Variants in TNNI3K observed in about 807,000 individuals in gnomAD.
TNNI3K encodes the protein TNNI3 interacting kinase, also known as serine/threonine-protein kinase TNNI3K.
Under a neutral mutation model 114.5 loss-of-function variants are expected in TNNI3K, and 140 were observed. The ratio of observed to expected loss-of-function variants is 1.22; its 90% CI spans 1.07 to 1.41. The LOEUF is 1.41. Ranked by LOEUF, TNNI3K falls within the 40% of genes most tolerant of loss-of-function variation. The probability of loss-of-function intolerance (pLI) is 0.00; values close to 1 mark genes in which losing one functional copy is unlikely to be tolerated. For synonymous variants in TNNI3K, 347 were observed against 347.5 expected (o/e 1.00, Z 0.02); for missense variants, 1,125 against 1,007.6 (o/e 1.12, Z -1.58).
At chr1:74,268,672 A>G (rs1196598143) in intron 4 of TNNI3K, among the ~76,000 whole-genome samples, 1 of 151,900 alleles carries the variant, frequency 6.6e-6, no homozygotes, top group East Asian at 1.9e-4. Context: ...CAAGGAAATT[A>G]GCAAAAAGGA....
intron 2 of TNNI3K, chr1:74,240,567 T>C (rs1164183811): frequency 1.3e-5 from 2 of 152,162 alleles, no homozygotes; most frequent in Non-Finnish European, 2.9e-5. Flanking sequence ...TTATACAACC[T>C]TTTTGAAAAA....
intron 17 of TNNI3K, among the ~76,000 whole-genome samples, chr1:74,409,816 A>G (rs1664799418): frequency 6.6e-6 from 1 of 151,870 alleles, no homozygotes; most frequent in Non-Finnish European, 1.5e-5. Flanking sequence ...TTATTATTAC[A>G]TTTGTGCACA....
At chr1:74,253,356 C>T (rs1267175509) in intron 4 of TNNI3K, among the ~76,000 whole-genome samples, 1 of 152,170 alleles carries the variant, frequency 6.6e-6, no homozygotes, top group Non-Finnish European at 1.5e-5. Context: ...AGCCCTTGGG[C>T]AGTCAATGGG....
At chr1:74,301,897 G>A (rs147569461) in intron 5 of TNNI3K, among the ~76,000 whole-genome samples, 1,926 of 152,286 alleles carry the variant, frequency 0.013, 13 homozygotes, top group Non-Finnish European at 0.019. Context: ...ACTTCTAAAT[G>A]ACTATGTGGA....
intron 21 of TNNI3K, chr1:74,470,610 A>G (rs1667879163): frequency 5.0e-6 from 2 of 400,716 alleles, no homozygotes; most frequent in Admixed American, 4.4e-5. Flanking sequence ...GAGAGGAATC[A>G]TAAGTTTCTG....
intron 7 of TNNI3K, among the ~76,000 whole-genome samples, chr1:74,340,498 C>A (rs1048945335): frequency 2.6e-5 from 4 of 152,104 alleles, no homozygotes; most frequent in South Asian, 2.1e-4. Flanking sequence ...CGCATAAATT[C>A]TATGTCTGAT....
intron 22 of TNNI3K, among the ~76,000 whole-genome samples, chr1:74,490,707 C>A (rs184546101): frequency 2.0e-5 from 3 of 152,092 alleles, no homozygotes; most frequent in African/African-American, 7.2e-5. Flanking sequence ...TTTCAGTCAA[C>A]GGTTTAGATC....
At chr1:74,430,356 G>A (rs893405145) in intron 17 of TNNI3K, among the ~76,000 whole-genome samples, 2 of 152,000 alleles carry the variant, frequency 1.3e-5, no homozygotes, top group African/African-American at 4.8e-5. Flanking sequence ...TCTGAGGTTG[G>A]GGAAAATTTT....
rs188714529 is a variant in TNNI3K, at chr1:74,371,793, A to G, written c.1772+1401A>G. The G allele has an allele frequency of 9.9e-5, 15 of 151,894 alleles. No individual in the cohort carries two copies. In the East Asian group the frequency reaches 2.9e-3, roughly 30 times the overall value. 9.4% of individuals were successfully genotyped at this position (151,894 alleles called of 1,614,324 possible). On this transcript the variant is annotated intron_variant, in intron 17 of 24. Coordinates refer to ENST00000326637, the MANE Select transcript of TNNI3K (RefSeq NM_015978.3). The stretch of plus-strand genomic sequence containing the variant: ...GGAGACCATAAAGAGGTTTGAGCTG[A>G]AAATCACAAATTTGGAGCTATATTA...
chr1:74,436,048 A>G (rs1666108049), intron 17 of TNNI3K, 32 bp from the exon 18 acceptor site: 3 of 1,563,238 alleles, frequency 1.9e-6, no homozygotes, highest in African/African-American at 1.4e-5. Context: ...AGCTTACTCA[A>G]TGTCTACTTT....
intron 23 of TNNI3K, among the ~76,000 whole-genome samples, chr1:74,520,614 CA>C (rs546325740): frequency 0.011 from 1,661 of 147,028 alleles, 15 homozygotes; most frequent in Non-Finnish European, 0.014. Context: ...CTCACAACTT[CA>C]AAAAAAAAAT....
chr1:74,483,586 G>A (rs1668605936), intron 21 of TNNI3K, among the ~76,000 whole-genome samples: 1 of 152,160 alleles, frequency 6.6e-6, no homozygotes, highest in Non-Finnish European at 1.5e-5. Flanking sequence ...AATTCAGAGA[G>A]CTCACATCCA....
intron 23 of TNNI3K, among the ~76,000 whole-genome samples, chr1:74,494,129 C>T (rs752053693): frequency 6.6e-6 from 1 of 152,102 alleles, no homozygotes; most frequent in Non-Finnish European, 1.5e-5. Context: ...TCTCCGTCCA[C>T]GTGAGCACCA....
At chr1:74,425,848 G>A (rs1263199219) in intron 17 of TNNI3K, among the ~76,000 whole-genome samples, 1 of 151,964 alleles carries the variant, frequency 6.6e-6, no homozygotes, top group Admixed American at 6.6e-5. Flanking sequence ...CAGCATTGAC[G>A]AAGGGTTAGA....
intron 5 of TNNI3K, among the ~76,000 whole-genome samples, chr1:74,278,377 C>CCTGATCCAAACAGTA (rs1553126579): frequency 6.6e-6 from 1 of 152,182 alleles, no homozygotes; most frequent in African/African-American, 2.4e-5. Flanking sequence ...CTGCTTCTCT[C>CCTGATCCAAACAGTA]CTGATCCAAA....
At chr1:74,304,524 T>C (rs985098753) in intron 5 of TNNI3K, among the ~76,000 whole-genome samples, 2 of 152,132 alleles carry the variant, frequency 1.3e-5, no homozygotes, top group Non-Finnish European at 2.9e-5. Flanking sequence ...CTCACCGTAA[T>C]CTTGAACTAC....
At chr1:74,341,128 A>G (rs1022443805) in intron 7 of TNNI3K, among the ~76,000 whole-genome samples, 6 of 152,210 alleles carry the variant, frequency 3.9e-5, no homozygotes, top group Non-Finnish European at 2.9e-5. Flanking sequence ...AGAGCAGTTG[A>G]TTCCATTATT....
chr1:74,527,260 C>A (rs1314264918), intron 23 of TNNI3K, among the ~76,000 whole-genome samples: 1 of 152,096 alleles, frequency 6.6e-6, no homozygotes, highest in Admixed American at 6.5e-5. Flanking sequence ...AGGAGGTTCA[C>A]CAATGACCAC....
intron 23 of TNNI3K, among the ~76,000 whole-genome samples, chr1:74,522,255 T>A (rs112146548): frequency 6.6e-5 from 10 of 152,260 alleles, no homozygotes; most frequent in African/African-American, 9.6e-5. Flanking sequence ...TTAGGACAGA[T>A]CTGCTCTTGG....
Sources: gnomAD v4.1 joint callset for allele counts (sites outside exome capture counted in the v4.1 genomes callset) on GRCh38, gnomAD v4.1.1 for gene constraint, MANE v1.5 for transcripts, NCBI Gene and HGNC (gene_info 2026-07-23, HGNC 2026-07-21) for gene names.